Variants in DPP10 observed in about 807,000 individuals in gnomAD.
DPP10 encodes inactive dipeptidyl peptidase 10.
Under a neutral mutation model 120.9 loss-of-function variants are expected in DPP10, and 33 were observed. That is an observed-to-expected ratio of 0.27 (90% confidence interval 0.21 to 0.37). The LOEUF is 0.37. Ranked by LOEUF, DPP10 falls within the 10% of genes least tolerant of loss-of-function variation. The probability of loss-of-function intolerance (pLI) is 1.00; values close to 1 mark genes in which losing one functional copy is unlikely to be tolerated. For synonymous variants in DPP10, 337 were observed against 326.1 expected (o/e 1.03, Z -0.36); for missense variants, 816 against 942.8 (o/e 0.87, Z 1.76).
At position 115,666,832 on chromosome 2, in the gene DPP10, A is replaced by G. The variant is rs185702233; in HGVS notation, c.442-22855A>G. ...TTCAGGTTCTTTGAAAAATCACTAA[A>G]TTGCCTCCCACAGTGTCTGAACTCA... On this transcript the variant is annotated intron_variant, in intron 5 of 25. Coordinates refer to ENST00000410059, the MANE Select transcript of DPP10 (RefSeq NM_020868.6). 1.4e-3 allele frequency among the ~76,000 whole-genome samples: 216 copies of G among 152,210 alleles called. 1 individual carries two copies. Among genetic ancestry groups the G allele is most frequent in the Non-Finnish European group, 2.2e-3 (151 of 68,006 alleles).
At chr2:115,568,628 A>G (rs997278125) in intron 5 of DPP10, among the ~76,000 whole-genome samples, 10 of 137,556 alleles carry the variant, frequency 7.3e-5, no homozygotes, top group African/African-American at 2.7e-4. Flanking sequence ...TCATTTTTCT[A>G]TCGCGTACTT....
intron 7 of DPP10, among the ~76,000 whole-genome samples, chr2:115,700,307 A>G (rs1246128811): frequency 6.6e-6 from 1 of 152,172 alleles, no homozygotes; most frequent in Non-Finnish European, 1.5e-5. Context: ...AGTATACTAC[A>G]TTAATGAAAT....
At chr2:115,117,043 T>C (rs939652862) in intron 1 of DPP10, among the ~76,000 whole-genome samples, 54 of 152,322 alleles carry the variant, frequency 3.5e-4, no homozygotes, top group Non-Finnish European at 7.2e-4. Context: ...TTCTTAAACA[T>C]GTTCATATCT....
chr2:115,064,956 A>C (rs1418226630), intron 1 of DPP10, among the ~76,000 whole-genome samples: 1 of 152,078 alleles, frequency 6.6e-6, no homozygotes, highest in East Asian at 1.9e-4. Context: ...ATAGTTGCCC[A>C]CATATATTTA....
At chr2:115,260,934 A>G (rs141262955) in intron 1 of DPP10, among the ~76,000 whole-genome samples, 70 of 152,336 alleles carry the variant, frequency 4.6e-4, no homozygotes, top group Non-Finnish European at 8.1e-4. Flanking sequence ...CTCAAAGCTA[A>G]ACATGGAGTT....
chr2:114,646,868 G>A (rs766980710), intron 1 of DPP10, among the ~76,000 whole-genome samples: 14 of 152,062 alleles, frequency 9.2e-5, no homozygotes, highest in Non-Finnish European at 1.8e-4. Context: ...ATTCTCTCTG[G>A]AATTGCCTCG....
intron 1 of DPP10, among the ~76,000 whole-genome samples, chr2:115,250,526 G>A (rs1243115334): frequency 6.6e-6 from 1 of 152,162 alleles, no homozygotes; most frequent in African/African-American, 2.4e-5. Context: ...CAAAGGGAAT[G>A]TCTGAGCAAT....
At chr2:114,543,649 G>T (rs369473826) in intron 1 of DPP10, among the ~76,000 whole-genome samples, 9 of 152,140 alleles carry the variant, frequency 5.9e-5, no homozygotes, top group African/African-American at 1.9e-4. Context: ...CCTCACACTT[G>T]CTCTGCTGCC....
intron 1 of DPP10, among the ~76,000 whole-genome samples, chr2:114,961,015 C>A (rs1359896393): frequency 1.6e-5 from 2 of 127,004 alleles, no homozygotes; most frequent in Non-Finnish European, 3.2e-5. Flanking sequence ...AGTAATAATT[C>A]TCTACATCTC....
intron 5 of DPP10, among the ~76,000 whole-genome samples, chr2:115,595,501 A>G (rs937614409): frequency 2.0e-5 from 3 of 152,158 alleles, no homozygotes; most frequent in Non-Finnish European, 4.4e-5. Flanking sequence ...ATGTTCCAAG[A>G]AAACCATTAC....
intron 10 of DPP10, among the ~76,000 whole-genome samples, chr2:115,751,637 A>C (rs1376853814): frequency 6.6e-6 from 1 of 152,144 alleles, no homozygotes; most frequent in African/African-American, 2.4e-5. Context: ...TTCTAGAGGA[A>C]ACAGTAGCTA....
chr2:115,147,642 G>T (rs1037158741), intron 1 of DPP10, among the ~76,000 whole-genome samples: 2 of 152,040 alleles, frequency 1.3e-5, no homozygotes, highest in Non-Finnish European at 2.9e-5. Context: ...TGGTAGAGTG[G>T]AAAGCGTGGC....
In DPP10 at chr2:114,615,452, T is replaced by C. The variant is rs186015435; in HGVS notation, c.60+172614T>C. Reference sequence around the variant, plus strand: ...TTTGAATTATTTCTAGATCTCTGTCTCTCTCTGTATTGGAGAGACAAAAGA... The same window carrying C: ...TTTGAATTATTTCTAGATCTCTGTCCCTCTCTGTATTGGAGAGACAAAAGA... On this transcript the variant is annotated intron_variant, in intron 1 of 25. Coordinates refer to ENST00000410059, the MANE Select transcript of DPP10 (RefSeq NM_020868.6). Among the ~76,000 whole-genome samples the C allele has an allele frequency of 3.4e-3, 513 of 152,288 alleles. 2 individuals carry two copies. The highest frequency in any genetic ancestry group is 0.012 in the African/African-American group (486 of 41,574).
intron 1 of DPP10, among the ~76,000 whole-genome samples, chr2:114,919,779 T>C (rs1424919798): frequency 6.6e-6 from 1 of 152,142 alleles, no homozygotes; most frequent in African/African-American, 2.4e-5. Context: ...TCTCATTTGA[T>C]TTATTGTGTA....
At chr2:115,247,708 G>A (rs2105634347) in intron 1 of DPP10, among the ~76,000 whole-genome samples, 1 of 152,182 alleles carries the variant, frequency 6.6e-6, no homozygotes, top group East Asian at 1.9e-4. Flanking sequence ...GGAAATTAAA[G>A]AATGCATGGA....
intron 4 of DPP10, among the ~76,000 whole-genome samples, chr2:115,517,689 A>G (rs929766130): frequency 3.3e-5 from 5 of 152,188 alleles, no homozygotes; most frequent in South Asian, 2.1e-4. Context: ...TAATTGCTAA[A>G]TCTATCACGA....
chr2:115,428,721 A>T (rs2070706238), intron 3 of DPP10, among the ~76,000 whole-genome samples: 1 of 152,232 alleles, frequency 6.6e-6, no homozygotes, highest in Non-Finnish European at 1.5e-5. Flanking sequence ...ATAGCACTTG[A>T]ACATAAATTT....
In DPP10 at chr2:115,650,416, G is replaced by A. The variant is rs543831975; in HGVS notation, c.442-39271G>A. Among the ~76,000 whole-genome samples the A allele has an allele frequency of 3.5e-5, 5 of 144,446 alleles. No individual in the cohort carries two copies. The South Asian group carries it at 9.7e-4, about 28-fold the overall frequency. The allele number at this position is 144,446 out of a possible 152,430, so 94.8% of individuals were successfully genotyped here. A position where few individuals can be genotyped will look rare whatever the true frequency, so the allele number is the denominator to read the frequency against. ...CACATGCTGGCATGGGGAAAGGGGG[G>A]GGGGGATAATCCACTTGACAACTGG... On this transcript the variant is annotated intron_variant, in intron 5 of 25. Transcript: ENST00000410059.
At chr2:114,944,234 A>T (rs927661249) in intron 1 of DPP10, among the ~76,000 whole-genome samples, 2 of 152,124 alleles carry the variant, frequency 1.3e-5, no homozygotes, top group Non-Finnish European at 2.9e-5. Context: ...ATTTATAGAC[A>T]TATTTCACAT....
Sources: gnomAD v4.1 joint callset for allele counts (sites outside exome capture counted in the v4.1 genomes callset) on GRCh38, gnomAD v4.1.1 for gene constraint, MANE v1.5 for transcripts, NCBI Gene and HGNC (gene_info 2026-07-23, HGNC 2026-07-21) for gene names.